Variants in GTPBP4 observed in about 807,000 individuals in gnomAD.
GTPBP4 encodes the protein GTP binding protein 4.
Under a neutral mutation model 81.7 loss-of-function variants are expected in GTPBP4, and 15 were observed. That is an observed-to-expected ratio of 0.18 (90% CI 0.12 to 0.28). GTPBP4 has a LOEUF of 0.28. GTPBP4 is among the 10% of genes least tolerant of loss of function. GTPBP4 has a pLI of 1.00. For synonymous variants in GTPBP4, 272 were observed against 274.6 expected, an observed-to-expected ratio of 0.99 and a Z score of 0.09; for missense variants, 847 against 793.8, an observed-to-expected ratio of 1.07 and a Z score of -0.81.
intron 6 of GTPBP4, among the ~76,000 whole-genome samples, chr10:1,000,472 C>T (rs1282746881): frequency 4.0e-5 from 6 of 151,582 alleles, no homozygotes; most frequent in East Asian, 1.9e-4. Context: ...CTCCTGACCT[C>T]GTGATCCACC....
At chr10:992,694 A>C in intron 2 of GTPBP4, 35 bp downstream of exon 2, 1 of 1,349,616 alleles carries the variant, frequency 7.4e-7, no homozygotes, top group Non-Finnish European at 1.0e-6. Flanking sequence ...GGTTATGTAA[A>C]TACGGGCTTT....
At chr10:1,017,040 A>G (rs768344685) in intron 16 of GTPBP4, 35 bp from the exon 17 acceptor site, 3 of 1,580,226 alleles carry the variant, frequency 1.9e-6, no homozygotes, top group Non-Finnish European at 2.6e-6. Context: ...GGTTTTAAGT[A>G]ATGAACATAC....
At chr10:999,175 G>A in intron 6 of GTPBP4, 80 bp downstream of exon 6, 1 of 801,302 alleles carries the variant, frequency 1.2e-6, no homozygotes, top group Non-Finnish European at 2.2e-6. Flanking sequence ...CTGGAGTGCA[G>A]TGGCATGATC....
At chr10:1,000,372 G>A (rs1469276153) in intron 6 of GTPBP4, among the ~76,000 whole-genome samples, 2 of 151,034 alleles carry the variant, frequency 1.3e-5, no homozygotes, top group East Asian at 3.9e-4. Flanking sequence ...CGAGTAGCTG[G>A]GACTACAGGT....
rs1396466253 is a variant in GTPBP4 at position 1,012,571 on chromosome 10, C to A, written c.1451C>A (p.Ala484Glu). The change falls in exon 14 of 17, where the codon GCA becomes GAA. Residue 484 changes from alanine to glutamate, a missense_variant. Physicochemically the swap from Ala to Glu is moderately radical, Grantham distance 107. This residue lies in a region of GTPBP4 where 600 missense variants were observed against 557.1 expected (regional missense o/e 1.08). Coordinates refer to ENST00000360803, the MANE Select transcript of GTPBP4 (RefSeq NM_012341.3). ...DEEMLEIRQL[A>E]KQIREKKKLK... ...GAGATGCTGGAAATCCGACAGCTGG[C>A]AAAGCAAATTCGAGAGAAAAAGAAG... The A allele has an allele frequency of 6.2e-7, 1 of 1,613,694 alleles. No homozygotes were observed.
At chr10:990,658 G>A (rs894736612) in intron 1 of GTPBP4, among the ~76,000 whole-genome samples, 5 of 145,880 alleles carry the variant, frequency 3.4e-5, no homozygotes, top group African/African-American at 1.3e-4. Context: ...AACCCAGGAG[G>A]CAGAGCTTGC....
At chr10:1,011,580 T>C (rs1831874890) in intron 13 of GTPBP4, among the ~76,000 whole-genome samples, 1 of 147,700 alleles carries the variant, frequency 6.8e-6, no homozygotes, top group African/African-American at 2.4e-5. Context: ...GCCATCTGCA[T>C]GTCCCATGTT....
chr10:1,011,559 A>G (rs1294567028), intron 13 of GTPBP4, among the ~76,000 whole-genome samples: 2 of 151,894 alleles, frequency 1.3e-5, no homozygotes. Context: ...CATTCTTTTT[A>G]TACAATACTT....
At chr10:1,012,741 C>G in intron 14 of GTPBP4, 79 bp downstream of exon 14, 1 of 955,984 alleles carries the variant, frequency 1.0e-6, no homozygotes, top group Non-Finnish European at 1.6e-6. Context: ...TAAATAACAA[C>G]TTTTCAACCC....
At position 1,017,199 on chromosome 10, in the gene GTPBP4, G is replaced by A; in HGVS notation, c.1877G>A (p.Arg626Lys). 6.2e-7 allele frequency: 1 copy of A among 1,614,138 alleles called. No homozygotes were observed. Among genetic ancestry groups the A allele is most frequent in the Non-Finnish European group, 8.5e-7 (1 of 1,179,972 alleles). ...CCCAAGCACTTGCTGTCTGGGAAGA[G>A]GAAAGCTGGTAAAAAGGACAGGAGA... is the stretch of plus-strand genomic sequence containing the variant. ...MKPKHLLSGK[R>K]KAGKKDRR The change falls in exon 17 of 17, where the codon AGG becomes AAG. Residue 626 changes from arginine to lysine, a missense_variant. Physicochemically the swap from Arg to Lys is conservative, Grantham distance 26. This residue lies in a region of GTPBP4 where 600 missense variants were observed against 557.1 expected (regional missense o/e 1.08). Transcript: ENST00000360803.
intron 10 of GTPBP4, chr10:1,007,355 A>G (rs758285431): frequency 1.8e-5 from 8 of 432,882 alleles, no homozygotes; most frequent in Non-Finnish European, 2.9e-5. Context: ...CTGTTAGTTT[A>G]TCCTTCCAGA....
chr10:1,016,191 G>T (rs894564898), intron 16 of GTPBP4, among the ~76,000 whole-genome samples: 1 of 145,154 alleles, frequency 6.9e-6, no homozygotes, highest in Non-Finnish European at 1.5e-5. Context: ...GTCTGAAGAG[G>T]GCCAGGAAGT....
chr10:1,011,357 A>T (rs959302611), intron 13 of GTPBP4, among the ~76,000 whole-genome samples: 1 of 152,040 alleles, frequency 6.6e-6, no homozygotes, highest in African/African-American at 2.4e-5. Flanking sequence ...TAAAAAACGA[A>T]AACATCCTTA....
chr10:1,016,982 C>A, intron 16 of GTPBP4, 93 bp from the exon 17 acceptor site: 1 of 985,552 alleles, frequency 1.0e-6, no homozygotes, highest in Non-Finnish European at 1.5e-6. Flanking sequence ...CAGACCTGAG[C>A]CATTAAACAG....
intron 4 of GTPBP4, 155 bp from the exon 5 acceptor site, chr10:997,053 C>T (rs1352976742): frequency 1.7e-5 from 11 of 650,650 alleles, no homozygotes; most frequent in Non-Finnish European, 3.0e-5. Context: ...TATACTATTA[C>T]TTTCTGCAAC....
intron 1 of GTPBP4, among the ~76,000 whole-genome samples, chr10:989,114 CTTTTTTT>C (rs869154759): frequency 9.8e-6 from 1 of 102,100 alleles, no homozygotes; most frequent in African/African-American, 3.9e-5. Flanking sequence ...AGTATTAGGA[CTTTTTTT>C]TTTTTTTTTT....
At chr10:998,824 C>T (rs1831577080) in intron 5 of GTPBP4, among the ~76,000 whole-genome samples, 179 bp from the exon 6 acceptor site, 1 of 152,182 alleles carries the variant, frequency 6.6e-6, no homozygotes, top group African/African-American at 2.4e-5. Flanking sequence ...GTCCTAGTAC[C>T]CCAGTCCTTG....
chr10:1,011,863 G>A (rs1195907252), intron 13 of GTPBP4, among the ~76,000 whole-genome samples: 1 of 152,188 alleles, frequency 6.6e-6, no homozygotes, highest in Admixed American at 6.5e-5. Flanking sequence ...GGCGCAAGAA[G>A]CCTTGAGACT....
intron 14 of GTPBP4, among the ~76,000 whole-genome samples, chr10:1,013,989 C>G (rs1332483511): frequency 6.6e-6 from 1 of 152,178 alleles, no homozygotes; most frequent in African/African-American, 2.4e-5. Flanking sequence ...ACTCTCTCCC[C>G]CGTGTTGCGG....
Sources: allele counts gnomAD v4.1 joint callset (sites outside exome capture counted in the v4.1 genomes callset), GRCh38; gene constraint gnomAD v4.1.1; regional missense constraint gnomAD v4.1.1; transcripts MANE v1.5; gene names NCBI Gene and HGNC (gene_info 2026-07-23, HGNC 2026-07-21).